PTPRO: variants seen among roughly 807,000 people sequenced by gnomAD.
The protein encoded by PTPRO is receptor-type tyrosine-protein phosphatase O.
PTPRO carries 62 observed loss-of-function variants against 145.2 expected under a neutral mutation model. The observed-to-expected ratio is 0.43, with a 90% CI of 0.35 to 0.53. PTPRO has a LOEUF of 0.53. PTPRO is among the 20% of genes least tolerant of loss of function. The pLI is 0.01. For missense variants in PTPRO, 1,345 were observed against 1,482.7 expected, an observed-to-expected ratio of 0.91 and a Z score of 1.53; for synonymous variants, 565 against 514.7, an observed-to-expected ratio of 1.10 and a Z score of -1.32.
chr12:15,414,943 A>T (rs1480050823), intron 1 of PTPRO, among the ~76,000 whole-genome samples: 2 of 152,208 alleles, frequency 1.3e-5, no homozygotes, highest in East Asian at 1.9e-4. Flanking sequence ...TAAACCTATG[A>T]CACCATGGAG....
chr12:15,515,372 G>C, intron 7 of PTPRO, 126 bp from the exon 8 acceptor site: 2 of 1,284,018 alleles, frequency 1.6e-6, no homozygotes, highest in Non-Finnish European at 2.2e-6. Flanking sequence ...GACAGCTTCA[G>C]TAAAGCCTTC....
intron 1 of PTPRO, among the ~76,000 whole-genome samples, chr12:15,422,638 A>T (rs2136329183): frequency 6.6e-6 from 1 of 152,320 alleles, no homozygotes; most frequent in Non-Finnish European, 1.5e-5. Context: ...ACTTGTATAA[A>T]CCACATGCTA....
chr12:15,369,195 A>G (rs573292997), intron 1 of PTPRO, among the ~76,000 whole-genome samples: 2 of 152,328 alleles, frequency 1.3e-5, no homozygotes, highest in East Asian at 1.9e-4. Context: ...AGGGTCAGTG[A>G]CACATAATCT....
intron 4 of PTPRO, among the ~76,000 whole-genome samples, chr12:15,500,612 G>A (rs1488549695): frequency 6.6e-6 from 1 of 152,156 alleles, no homozygotes; most frequent in South Asian, 2.1e-4. Context: ...AAAGGAAGGA[G>A]AGATAAATTT....
intron 12 of PTPRO, among the ~76,000 whole-genome samples, chr12:15,529,980 C>T (rs1374969205): frequency 1.3e-5 from 2 of 152,154 alleles, no homozygotes; most frequent in Admixed American, 6.5e-5. Flanking sequence ...GAGAAACCCA[C>T]TTCACCTGTA....
intron 12 of PTPRO, 99 bp downstream of exon 12, chr12:15,526,361 A>C (rs2136528234): frequency 1.3e-6 from 2 of 1,507,874 alleles, no homozygotes; most frequent in Non-Finnish European, 1.8e-6. Context: ...ATAACAGAAA[A>C]ATGGCTAATT....
intron 1 of PTPRO, among the ~76,000 whole-genome samples, chr12:15,477,762 A>C (rs1422061451): frequency 2.0e-5 from 3 of 152,136 alleles, no homozygotes; most frequent in African/African-American, 7.2e-5. Context: ...CTCCCGCTGC[A>C]CTTTGGGTCT....
In PTPRO at chr12:15,508,654, A is replaced by G. The variant is rs988542250; in HGVS notation, c.1351A>G (p.Met451Val). 1 of 1,614,082 alleles carries G rather than the reference A, an allele frequency of 6.2e-7. No individual in the cohort carries two copies. Among genetic ancestry groups the G allele is most frequent in the African/African-American group, 1.3e-5 (1 of 75,044 alleles). The change falls in exon 7 of 27, where the codon ATG (methionine) becomes GTG (valine). Residue 451 changes from methionine (M) to valine (V), a missense_variant. Physicochemically the swap from Met to Val is conservative, Grantham distance 21. Coordinates refer to ENST00000281171, the MANE Select transcript of PTPRO (RefSeq NM_030667.3). Reference protein sequence around the residue: ...VHVLSSTTALMSWTSSQENYN... With the variant: ...VHVLSSTTALVSWTSSQENYN... ...CGTTTTAAGCTCAACCACTGCCTTG[A>G]TGTCCTGGACATCTTCCCAAGAGAA... is the stretch of plus-strand genomic sequence containing the variant.
intron 1 of PTPRO, among the ~76,000 whole-genome samples, chr12:15,338,994 A>G (rs562785658): frequency 6.6e-6 from 1 of 152,330 alleles, no homozygotes; most frequent in South Asian, 2.1e-4. Flanking sequence ...CAAACATGTA[A>G]GAAGCTAAAG....
chr12:15,480,410 A>G (rs1324185655), intron 1 of PTPRO, among the ~76,000 whole-genome samples: 2 of 152,302 alleles, frequency 1.3e-5, no homozygotes, highest in East Asian at 3.9e-4. Flanking sequence ...TTAGCAAGAA[A>G]TTCACTTGGT....
chr12:15,487,956 G>C (rs1941924491), intron 2 of PTPRO, among the ~76,000 whole-genome samples: 1 of 152,114 alleles, frequency 6.6e-6, no homozygotes, highest in Non-Finnish European at 1.5e-5. Flanking sequence ...CTTCTTATCT[G>C]CTTCGATGTT....
intron 1 of PTPRO, among the ~76,000 whole-genome samples, chr12:15,459,662 A>C (rs1378753180): frequency 6.6e-6 from 1 of 152,212 alleles, no homozygotes; most frequent in Non-Finnish European, 1.5e-5. Flanking sequence ...GATGGGAACG[A>C]AGATCCAAGT....
chr12:15,387,525 C>T (rs1939063091), intron 1 of PTPRO, among the ~76,000 whole-genome samples: 1 of 152,178 alleles, frequency 6.6e-6, no homozygotes, highest in South Asian at 2.1e-4. Context: ...CATAGGTCAA[C>T]CCCTCAGTGA....
Position 15,598,014 on chromosome 12 carries a change from T to G in PTPRO, c.*1941T>G, listed in dbSNP as rs141549917. Among the ~76,000 whole-genome samples the G allele has an allele frequency of 1.4e-3, 213 of 152,290 alleles. 1 individual carries two copies. Among genetic ancestry groups the G allele is most frequent in the African/African-American group, 4.8e-3 (201 of 41,568 alleles). Reference sequence around the variant, plus strand: ...GCTCAGAGCATACAGAAGTTTTGCATCCTGGAACATTGCTTCCCATGAAAC... The same window carrying G: ...GCTCAGAGCATACAGAAGTTTTGCAGCCTGGAACATTGCTTCCCATGAAAC... On this transcript the variant is annotated 3_prime_UTR_variant, in exon 27 of 27. Transcript: ENST00000281171.
intron 2 of PTPRO, among the ~76,000 whole-genome samples, chr12:15,488,938 A>G (rs1941945306): frequency 6.6e-6 from 1 of 152,200 alleles, no homozygotes; most frequent in Non-Finnish European, 1.5e-5. Flanking sequence ...GAAATGTCAC[A>G]TACACACAGC....
chr12:15,372,899 GT>G (rs893450135), intron 1 of PTPRO, among the ~76,000 whole-genome samples: 11 of 152,114 alleles, frequency 7.2e-5, no homozygotes, highest in African/African-American at 2.4e-4. Context: ...ATATTATTTT[GT>G]GCTGGATTTG....
chr12:15,489,483 GTTT>G (rs1941956222), intron 2 of PTPRO, among the ~76,000 whole-genome samples: 4 of 152,184 alleles, frequency 2.6e-5, no homozygotes, highest in Non-Finnish European at 5.9e-5. Context: ...GGAACTGAGG[GTTT>G]ATGCCCCTTT....
chr12:15,578,210 G>T (rs1469046159), intron 19 of PTPRO, among the ~76,000 whole-genome samples: 1 of 151,522 alleles, frequency 6.6e-6, no homozygotes, highest in Non-Finnish European at 1.5e-5. Context: ...AAGGCTCATT[G>T]CCTACAAGAA....
intron 1 of PTPRO, among the ~76,000 whole-genome samples, chr12:15,436,020 A>T (rs4764192): frequency 0.27 from 41,752 of 152,156 alleles, 6,290 homozygotes; most frequent in South Asian, 0.43. Flanking sequence ...CTGCTCCTGA[A>T]TGACTACTGG....
Sources: gnomAD v4.1 joint callset for allele counts (sites outside exome capture counted in the v4.1 genomes callset) on GRCh38, gnomAD v4.1.1 for gene constraint, MANE v1.5 for transcripts, NCBI Gene and HGNC (gene_info 2026-07-23, HGNC 2026-07-21) for gene names.